Variants in DNAH9 observed in about 807,000 individuals in gnomAD.
DNAH9 encodes the protein DNAH9 variant protein.
A neutral mutation model predicts 471.6 loss-of-function variants in DNAH9; 345 were observed. That is an observed-to-expected ratio of 0.73 (90% CI 0.67 to 0.80). The LOEUF is 0.80. DNAH9 is among the 30% of genes least tolerant of loss of function. DNAH9 has a pLI of 0.00. For missense variants in DNAH9, 5,407 were observed against 5,609.2 expected, an observed-to-expected ratio of 0.96 and a Z score of 1.15; for synonymous variants, 2,093 against 2,123.6, an observed-to-expected ratio of 0.99 and a Z score of 0.40.
intron 26 of DNAH9, among the ~76,000 whole-genome samples, chr17:11,717,753 G>A (rs1172941595): frequency 6.6e-6 from 1 of 152,108 alleles, no homozygotes; most frequent in African/African-American, 2.4e-5. Context: ...TCCAACTGTA[G>A]AGCATTTCCT....
chr17:11,687,787 G>T (rs1175683039), intron 19 of DNAH9, among the ~76,000 whole-genome samples: 1 of 152,066 alleles, frequency 6.6e-6, no homozygotes, highest in Non-Finnish European at 1.5e-5. Flanking sequence ...TGGGGTTGGA[G>T]GAGAAAATGA....
intron 19 of DNAH9, 144 bp from the exon 20 acceptor site, chr17:11,689,422 G>A (rs138836554): frequency 1.8e-4 from 128 of 706,594 alleles, no homozygotes; most frequent in Middle Eastern, 1.7e-3. Context: ...ATTTGCTTTC[G>A]TGAAAAGAAT....
chr17:11,910,367 TGTA>T (rs1973753951), intron 61 of DNAH9, among the ~76,000 whole-genome samples: 3 of 152,350 alleles, frequency 2.0e-5, no homozygotes, highest in South Asian at 2.1e-4. Context: ...GGTTCAAACA[TGTA>T]GTAGCATGTA....
chr17:11,832,107 A>G (rs1357776951), intron 48 of DNAH9, among the ~76,000 whole-genome samples: 1 of 152,232 alleles, frequency 6.6e-6, no homozygotes, highest in Non-Finnish European at 1.5e-5. Flanking sequence ...AGAAAGATGT[A>G]AAGTAACCAT....
At position 11,962,053 on chromosome 17, in the gene DNAH9, G is replaced by A; in HGVS notation, c.13030G>A (p.Val4344Met). Residue 4344 changes from valine (V) to methionine (M), a missense_variant, in exon 68 of 69, where the codon GTG becomes ATG. Val to Met is a conservative substitution (Grantham distance 21). Coordinates refer to ENST00000262442, the MANE Select transcript of DNAH9 (RefSeq NM_001372.4). This position sits in a 1 kb window ranked among gnomAD's most constrained non-coding sequence, Gnocchi z 4.1. ...GGGTGACTTTACAATGCCCTCCACT[G>A]TGTGGCTGACAGGCTTCTTCAACCC... ...WTGDFTMPST[V>M]WLTGFFNPQS... 1 of 1,614,186 alleles carries A rather than the reference G, an allele frequency of 6.2e-7. No homozygotes were observed. Among genetic ancestry groups the A allele is most frequent in the South Asian group, 1.1e-5 (1 of 91,080 alleles).
At chr17:11,822,678 T>G in intron 47 of DNAH9, 79 bp downstream of exon 47, 1 of 1,595,500 alleles carries the variant, frequency 6.3e-7, no homozygotes, top group Non-Finnish European at 8.5e-7. Flanking sequence ...GATGTTAGGG[T>G]TAAAGATCAA....
At chr17:11,828,178 G>C (rs1970567920) in intron 48 of DNAH9, among the ~76,000 whole-genome samples, 1 of 152,014 alleles carries the variant, frequency 6.6e-6, no homozygotes, top group Non-Finnish European at 1.5e-5. Flanking sequence ...GGTCAATTTA[G>C]AACATAAATC....
At chr17:11,703,090 C>CA (rs535913798) in intron 24 of DNAH9, among the ~76,000 whole-genome samples, 21,408 of 87,376 alleles carry the variant, frequency 0.25, 2,042 homozygotes, top group East Asian at 0.5. Context: ...GAGACTGTCT[C>CA]AAAAAAAAAA....
At chr17:11,968,965 C>T (rs1307569348) in intron 68 of DNAH9, among the ~76,000 whole-genome samples, 1 of 152,086 alleles carries the variant, frequency 6.6e-6, no homozygotes, top group African/African-American at 2.4e-5. Flanking sequence ...GCACCTAGCC[C>T]GACATCTGGC....
chr17:11,942,563 T>TGGGG (rs1414796526), intron 67 of DNAH9, 78 bp downstream of exon 67: 7 of 1,448,698 alleles, frequency 4.8e-6, no homozygotes, highest in Non-Finnish European at 5.6e-6. Flanking sequence ...GAAGGAGCAC[T>TGGGG]GGGGGACCTG....
rs3815269 is a variant in DNAH9 at position 11,902,949 on chromosome 17, T to C, written c.11600+37T>C. On this transcript the variant is annotated intron_variant, in intron 60 of 68. Transcript: ENST00000262442. ...GGTGGTGGAAGGCCCAGCATAGGCA[T>C]GGGGCAAGGGCAACCTCAGGACAAC... is the stretch of plus-strand genomic sequence containing the variant. The C allele has an allele frequency of 0.85, 1,356,290 of 1,596,184 alleles. 584,061 individuals carry two copies. The highest frequency in any genetic ancestry group is 0.89 in the Non-Finnish European group (1,038,900 of 1,172,378).
intron 44 of DNAH9, among the ~76,000 whole-genome samples, 176 bp from the exon 45 acceptor site, chr17:11,810,070 G>C (rs183164205): frequency 6.6e-6 from 1 of 152,090 alleles, no homozygotes; most frequent in African/African-American, 2.4e-5. Flanking sequence ...CTGGGAATGA[G>C]GCATAGTTTC....
intron 6 of DNAH9, among the ~76,000 whole-genome samples, chr17:11,625,070 A>G (rs1356196130): frequency 3.2e-5 from 4 of 125,218 alleles, no homozygotes; most frequent in South Asian, 2.3e-4. Flanking sequence ...TGCTTGATGC[A>G]TCAGTGCACA....
chr17:11,736,806 C>T (rs893233925), intron 28 of DNAH9, among the ~76,000 whole-genome samples: 2 of 152,180 alleles, frequency 1.3e-5, no homozygotes, highest in Non-Finnish European at 2.9e-5. Context: ...TTCGGTGTTT[C>T]GAGAGAGAAT....
chr17:11,722,824 A>G (rs1487475169), intron 27 of DNAH9, among the ~76,000 whole-genome samples: 1 of 152,198 alleles, frequency 6.6e-6, no homozygotes, highest in East Asian at 1.9e-4. Flanking sequence ...CATCCTTTAT[A>G]TTATAGCTGT....
At chr17:11,950,449 G>A (rs866805696) in intron 67 of DNAH9, among the ~76,000 whole-genome samples, 4 of 152,128 alleles carry the variant, frequency 2.6e-5, no homozygotes, top group Non-Finnish European at 5.9e-5. Context: ...GGAGTGTGGT[G>A]GTGTGATCAT....
intron 32 of DNAH9, among the ~76,000 whole-genome samples, chr17:11,749,338 C>G (rs1446705434): frequency 6.6e-6 from 1 of 152,064 alleles, no homozygotes; most frequent in South Asian, 2.1e-4. Flanking sequence ...CCCGCCTCAG[C>G]CTCCCAAAGT....
intron 35 of DNAH9, among the ~76,000 whole-genome samples, chr17:11,760,361 T>C (rs1181662502): frequency 6.6e-6 from 1 of 152,184 alleles, no homozygotes; most frequent in African/African-American, 2.4e-5. Context: ...GGCAAGCTCA[T>C]GTGTCTTTGT....
At chr17:11,662,561 C>T (rs935270596) in intron 14 of DNAH9, among the ~76,000 whole-genome samples, 3 of 151,908 alleles carry the variant, frequency 2.0e-5, no homozygotes, top group Admixed American at 6.6e-5. Flanking sequence ...TGTTTTCTCT[C>T]CTGGTTAAAT....
Sources: allele counts gnomAD v4.1 joint callset (sites outside exome capture counted in the v4.1 genomes callset), GRCh38; gene constraint gnomAD v4.1.1; non-coding constraint Gnocchi (gnomAD v3.1); transcripts MANE v1.5; gene names NCBI Gene and HGNC (gene_info 2026-07-23, HGNC 2026-07-21).